The following UBAP2L variants were observed in gnomAD, a reference collection of about 807,000 sequenced individuals.
UBAP2L encodes the protein ubiquitin-associated protein 2-like.
A neutral mutation model predicts 130.6 loss-of-function variants in UBAP2L; 12 were observed. The observed-to-expected ratio is 0.09, with a 90% CI of 0.06 to 0.15. UBAP2L has a LOEUF of 0.15. UBAP2L is among the 10% of genes least tolerant of loss of function. The pLI is 1.00. For synonymous variants in UBAP2L, 503 were observed against 524.7 expected (o/e 0.96, Z 0.57); for missense variants, 965 against 1,332.5 (o/e 0.72, Z 4.29).
At chr1:154,263,937 T>G (rs1450036681) in intron 24 of UBAP2L, among the ~76,000 whole-genome samples, 1 of 152,182 alleles carries the variant, frequency 6.6e-6, no homozygotes, top group African/African-American at 2.4e-5. Flanking sequence ...TCTGATAAAG[T>G]CATTAGTGAT....
At chr1:154,248,262 C>T (rs374046043) in intron 11 of UBAP2L, among the ~76,000 whole-genome samples, 11 of 152,136 alleles carry the variant, frequency 7.2e-5, no homozygotes, top group Non-Finnish European at 1.5e-4. Context: ...CCACCGCATT[C>T]GGCCCAGTGA....
chr1:154,227,238 G>A (rs1668258917), intron 2 of UBAP2L, 44 bp from the exon 3 acceptor site: 1 of 1,551,256 alleles, frequency 6.4e-7, no homozygotes, highest in African/African-American at 1.4e-5. Context: ...TCTCTAAACT[G>A]TTGCCTCATG....
At chr1:154,259,909 T>G in intron 21 of UBAP2L, 39 bp from the exon 22 acceptor site, 5 of 1,581,392 alleles carry the variant, frequency 3.2e-6, no homozygotes, top group Non-Finnish European at 4.3e-6. Flanking sequence ...GGGGAATGAG[T>G]GACATTGAAT....
chr1:154,268,730 T>C, intron 25 of UBAP2L, 27 bp from the exon 26 acceptor site: 14 of 1,612,690 alleles, frequency 8.7e-6, no homozygotes, highest in Non-Finnish European at 7.6e-6. Context: ...TCCCTTTTAC[T>C]CTGTCTCCTC....
At chr1:154,246,476 C>T in intron 11 of UBAP2L, 101 bp downstream of exon 11, 2 of 1,360,948 alleles carry the variant, frequency 1.5e-6, no homozygotes. Context: ...GCAGGTGAAG[C>T]ATCCTCTTTG....
At chr1:154,266,336 T>A in intron 24 of UBAP2L, 165 bp from the exon 25 acceptor site, 1 of 711,254 alleles carries the variant, frequency 1.4e-6, no homozygotes, top group Non-Finnish European at 2.5e-6. Flanking sequence ...AGGGAGCTTT[T>A]GTTTCATGAA....
At chr1:154,245,379 AT>A (rs1223233788) in intron 10 of UBAP2L, among the ~76,000 whole-genome samples, 1 of 152,228 alleles carries the variant, frequency 6.6e-6, no homozygotes, top group African/African-American at 2.4e-5. Flanking sequence ...TAGGAGCTCC[AT>A]GCCAGGAACA....
chr1:154,259,803 T>G, intron 21 of UBAP2L, 145 bp from the exon 22 acceptor site: 2 of 892,000 alleles, frequency 2.2e-6, no homozygotes, highest in South Asian at 2.7e-5. Context: ...TAATGTGGAG[T>G]TTGTGCTAAC....
chr1:154,254,043 C>T lies in UBAP2L; in HGVS notation c.1808C>T (p.Pro603Leu). ...AGATCCACACAGACTCGGCGGTACC[C>T]CAGCTCCATCTCTTCATCACCCCAA... Reference protein sequence around the residue: ...EQRSTQTRRYPSSISSSPQKD... With the variant: ...EQRSTQTRRYLSSISSSPQKD... Residue 603 changes from proline to leucine, a missense_variant, in exon 15 of 27, where the codon CCC becomes CTC. Pro to Leu is a moderately conservative substitution (Grantham distance 98). Coordinates refer to ENST00000428931, the MANE Select transcript of UBAP2L (RefSeq NM_014847.4). 6.2e-7 allele frequency: 1 copy of T among 1,603,152 alleles called. No homozygotes were observed. Among genetic ancestry groups the T allele is most frequent in the Non-Finnish European group, 8.5e-7 (1 of 1,175,528 alleles).
intron 25 of UBAP2L, among the ~76,000 whole-genome samples, chr1:154,267,303 C>A (rs1683555924): frequency 1.3e-5 from 2 of 151,208 alleles, no homozygotes; most frequent in South Asian, 2.1e-4. Flanking sequence ...TTACAGGTGC[C>A]CACCACCGCG....
At position 154,270,776 on chromosome 1, in the gene UBAP2L, T is replaced by TTTG; in HGVS notation, c.*483_*484insGTT. ...TTGAAGTGGTTTTTTTTTTGTTTTT[T>TTTG]TTTTTTTTTTGTACTGTGTCCTCAA... On this transcript the variant is annotated 3_prime_UTR_variant, in exon 27 of 27. Transcript: ENST00000428931. 1.6e-6 allele frequency: 2 copies of TTTG among 1,243,650 alleles called. No homozygotes were observed. Among genetic ancestry groups the TTTG allele is most frequent in the Non-Finnish European group, 2.0e-6 (2 of 989,602 alleles). 77.0% of individuals were successfully genotyped at this position (1,243,650 alleles called of 1,614,324 possible).
chr1:154,233,849 C>G (rs961026555), intron 4 of UBAP2L, among the ~76,000 whole-genome samples: 1 of 151,228 alleles, frequency 6.6e-6, no homozygotes, highest in Non-Finnish European at 1.5e-5. Context: ...TTGTGGGTCA[C>G]TGACTCCGAA....
intron 4 of UBAP2L, among the ~76,000 whole-genome samples, chr1:154,232,662 T>A (rs1670246633): frequency 1.3e-5 from 2 of 152,058 alleles, no homozygotes; most frequent in Admixed American, 1.3e-4. Flanking sequence ...TCTCTTGGGG[T>A]CAGGGCTGCG....
In UBAP2L at chr1:154,270,517, C is replaced by A. The variant is rs1224070442; in HGVS notation, c.*222C>A. 21 of 1,442,466 alleles carry A rather than the reference C, an allele frequency of 1.5e-5. 1 individual carries two copies. Among genetic ancestry groups the A allele is most frequent in the Non-Finnish European group, 1.8e-5 (20 of 1,101,718 alleles). 89.4% of individuals were successfully genotyped at this position (1,442,466 alleles called of 1,614,324 possible). On this transcript the variant is annotated 3_prime_UTR_variant, in exon 27 of 27. Transcript: ENST00000428931. The stretch of plus-strand genomic sequence containing the variant: ...TATTTTCTCCTTTTTTTTCCCCCTT[C>A]CATTCCTTCTCCCCTCTTGCATTCA...
chr1:154,260,066 G>C (rs1005505729), intron 22 of UBAP2L, 37 bp downstream of exon 22: 1 of 1,599,976 alleles, frequency 6.3e-7, no homozygotes, highest in South Asian at 1.1e-5. Flanking sequence ...TAAAAAGGGA[G>C]ATAGTGTTGG....
intron 1 of UBAP2L, among the ~76,000 whole-genome samples, chr1:154,223,870 T>C (rs1369674943): frequency 6.6e-6 from 1 of 152,172 alleles, no homozygotes; most frequent in Admixed American, 6.6e-5. Context: ...AATCCAGTAA[T>C]ATCTCTGGGC....
chr1:154,230,287 G>A (rs933240747), intron 4 of UBAP2L, among the ~76,000 whole-genome samples: 17 of 152,202 alleles, frequency 1.1e-4, no homozygotes, highest in Admixed American at 3.9e-4. Context: ...GATTACAGGC[G>A]TGAGCCATGA....
intron 8 of UBAP2L, among the ~76,000 whole-genome samples, chr1:154,240,077 C>G (rs1673017530): frequency 6.6e-6 from 1 of 152,176 alleles, no homozygotes; most frequent in Admixed American, 6.6e-5. Context: ...TAGAATACTT[C>G]TCTTCAGTGG....
chr1:154,256,242 C>T (rs1213559885), intron 18 of UBAP2L, among the ~76,000 whole-genome samples: 1 of 152,122 alleles, frequency 6.6e-6, no homozygotes, highest in African/African-American at 2.4e-5. Context: ...AGGGAAGGAC[C>T]CATTTTGGAC....
Sources: allele counts gnomAD v4.1 joint callset (sites outside exome capture counted in the v4.1 genomes callset), GRCh38; gene constraint gnomAD v4.1.1; transcripts MANE v1.5; gene names NCBI Gene and HGNC (gene_info 2026-07-23, HGNC 2026-07-21).